Variants in KCNIP4 observed in about 807,000 individuals in gnomAD.
KCNIP4 encodes potassium voltage-gated channel interacting protein 4.
In KCNIP4, 12 loss-of-function variants were observed where a neutral mutation model predicts 34.0. That is an observed-to-expected ratio of 0.35 (90% CI 0.23 to 0.57). The LOEUF is 0.57. Ranked by LOEUF, KCNIP4 falls within the 20% of genes least tolerant of loss-of-function variation. The probability of loss-of-function intolerance (pLI) is 0.83; values close to 1 mark genes in which losing one functional copy is unlikely to be tolerated. For missense variants in KCNIP4, 238 were observed against 311.7 expected, an observed-to-expected ratio of 0.76 and a Z score of 1.78; for synonymous variants, 124 against 102.2, an observed-to-expected ratio of 1.21 and a Z score of -1.29.
intron 1 of KCNIP4, among the ~76,000 whole-genome samples, chr4:21,861,656 C>CAAAAA (rs59277001): frequency 0.29 from 29,280 of 100,696 alleles, 4,922 homozygotes; most frequent in Non-Finnish European, 0.42. Flanking sequence ...GACTCCGTCT[C>CAAAAA]AAAAAAAAAA....
intron 1 of KCNIP4, among the ~76,000 whole-genome samples, chr4:21,734,772 T>C (rs962515573): frequency 1.3e-5 from 2 of 152,144 alleles, no homozygotes; most frequent in Non-Finnish European, 2.9e-5. Flanking sequence ...AGGTCTTGAA[T>C]GTACATTTAA....
chr4:20,906,827 G>T (rs188878561), intron 1 of KCNIP4, among the ~76,000 whole-genome samples: 474 of 152,344 alleles, frequency 3.1e-3, no homozygotes, highest in Middle Eastern at 6.8e-3. Flanking sequence ...ATGGAATGAA[G>T]AAGGATAATT....
At chr4:20,790,674 G>A (rs547971994) in intron 3 of KCNIP4, among the ~76,000 whole-genome samples, 3 of 151,960 alleles carry the variant, frequency 2.0e-5, no homozygotes, top group African/African-American at 7.2e-5. Context: ...TCCACATCTT[G>A]TCCCACTGGA....
chr4:21,720,416 A>C (rs1192227906), intron 1 of KCNIP4, among the ~76,000 whole-genome samples: 1 of 152,166 alleles, frequency 6.6e-6, no homozygotes, highest in Non-Finnish European at 1.5e-5. Flanking sequence ...CTTGATTTTC[A>C]TATCTAAGTG....
intron 1 of KCNIP4, among the ~76,000 whole-genome samples, chr4:21,348,189 A>C (rs1207102596): frequency 6.6e-6 from 1 of 152,132 alleles, no homozygotes; most frequent in Non-Finnish European, 1.5e-5. Flanking sequence ...CTTGACTAGG[A>C]CCATATGTGC....
At chr4:21,404,639 T>TA (rs966045741) in intron 1 of KCNIP4, among the ~76,000 whole-genome samples, 14 of 152,154 alleles carry the variant, frequency 9.2e-5, no homozygotes, top group African/African-American at 3.1e-4. Flanking sequence ...ACATCTAATA[T>TA]AAAAAAGTAT....
intron 1 of KCNIP4, among the ~76,000 whole-genome samples, chr4:21,770,682 T>C (rs1174085107): frequency 1.3e-5 from 2 of 152,158 alleles, no homozygotes; most frequent in Admixed American, 6.6e-5. Context: ...TGATTTTGAT[T>C]TGTATTTCTC....
chr4:21,689,882 T>C (rs113204933), intron 1 of KCNIP4, among the ~76,000 whole-genome samples: 3,222 of 152,004 alleles, frequency 0.021, 106 homozygotes, highest in African/African-American at 0.072. Flanking sequence ...TTATTACATG[T>C]TGATCTACTG....
intron 1 of KCNIP4, among the ~76,000 whole-genome samples, chr4:21,349,724 G>A (rs972111261): frequency 2.6e-5 from 4 of 152,068 alleles, no homozygotes; most frequent in African/African-American, 9.7e-5. Flanking sequence ...AGTGTGCAGG[G>A]GCAGGTAACC....
At chr4:21,860,646 C>T (rs564865950) in intron 1 of KCNIP4, among the ~76,000 whole-genome samples, 1 of 146,302 alleles carries the variant, frequency 6.8e-6, no homozygotes, top group East Asian at 2.0e-4. Flanking sequence ...TATCATTAGA[C>T]TCAGATTTCT....
At chr4:21,884,166 T>C (rs941457690) in intron 1 of KCNIP4, among the ~76,000 whole-genome samples, 1 of 152,196 alleles carries the variant, frequency 6.6e-6, no homozygotes, top group Non-Finnish European at 1.5e-5. Flanking sequence ...CCAACAACAA[T>C]AACATACATT....
intron 1 of KCNIP4, among the ~76,000 whole-genome samples, chr4:21,628,719 A>T (rs928165432): frequency 6.6e-6 from 1 of 152,222 alleles, no homozygotes; most frequent in African/African-American, 2.4e-5. Context: ...CACTAGAAAA[A>T]AAACAAGTAT....
rs74509820 is a variant in KCNIP4, at chr4:21,902,924, T to C, written c.61+45647A>G. 3.9e-3 allele frequency among the ~76,000 whole-genome samples: 587 copies of C among 152,276 alleles called. 3 individuals carry two copies. Among genetic ancestry groups the C allele is most frequent in the Non-Finnish European group, 6.4e-3 (438 of 68,016 alleles). ...GGTGAGTTCACATGGAAGTCATAAATGTCACTGTTTCTGGGCATCTTCATA... is the reference window on the plus strand; with the variant it reads ...GGTGAGTTCACATGGAAGTCATAAACGTCACTGTTTCTGGGCATCTTCATA... On this transcript the variant is annotated intron_variant, in intron 1 of 8. Transcript: ENST00000382152.
chr4:21,532,119 C>T (rs1010155539), intron 1 of KCNIP4, among the ~76,000 whole-genome samples: 7 of 151,954 alleles, frequency 4.6e-5, no homozygotes, highest in African/African-American at 1.5e-4. Flanking sequence ...AACTGCAAAA[C>T]GAAGTCGCTG....
intron 3 of KCNIP4, among the ~76,000 whole-genome samples, chr4:20,807,590 G>A (rs552534019): frequency 1.3e-5 from 2 of 152,226 alleles, no homozygotes; most frequent in South Asian, 4.1e-4. Context: ...GCTGATCCCT[G>A]TCCTAGAATA....
intron 1 of KCNIP4, among the ~76,000 whole-genome samples, chr4:21,668,961 C>T (rs1749248350): frequency 6.6e-6 from 1 of 152,196 alleles, no homozygotes; most frequent in South Asian, 2.1e-4. Context: ...CTAGTTCCTA[C>T]AGCTCTGCCA....
At chr4:21,058,291 T>C (rs1340788606) in intron 1 of KCNIP4, among the ~76,000 whole-genome samples, 2 of 152,094 alleles carry the variant, frequency 1.3e-5, no homozygotes, top group Non-Finnish European at 2.9e-5. Context: ...AGAGATGCAG[T>C]AGAACAAGAA....
At chr4:21,315,943 T>A (rs1713706489) in intron 1 of KCNIP4, among the ~76,000 whole-genome samples, 1 of 152,190 alleles carries the variant, frequency 6.6e-6, no homozygotes, top group South Asian at 2.1e-4. Context: ...GAACTATCCA[T>A]CCTCATTTCC....
chr4:21,244,806 A>T (rs1244781172), intron 1 of KCNIP4, among the ~76,000 whole-genome samples: 2 of 152,222 alleles, frequency 1.3e-5, no homozygotes, highest in East Asian at 1.9e-4. Flanking sequence ...ATACTTTAAG[A>T]TGCTAAGTCC....
Sources: allele counts gnomAD v4.1 joint callset (sites outside exome capture counted in the v4.1 genomes callset), GRCh38; gene constraint gnomAD v4.1.1; transcripts MANE v1.5; gene names NCBI Gene and HGNC (gene_info 2026-07-23, HGNC 2026-07-21).